ARHGAP15: variants seen among roughly 807,000 people sequenced by gnomAD.
ARHGAP15 encodes rho GTPase-activating protein 15.
A neutral mutation model predicts 63.7 loss-of-function variants in ARHGAP15; 51 were observed. The observed-to-expected ratio is 0.80, with a 90% CI of 0.64 to 1.01. The LOEUF (loss-of-function observed/expected upper bound fraction) is 1.01. ARHGAP15 is among the 50% of genes least tolerant of loss of function. The pLI is 0.00. For synonymous variants in ARHGAP15, 191 were observed against 193.8 expected, an observed-to-expected ratio of 0.99 and a Z score of 0.12; for missense variants, 560 against 564.6, an observed-to-expected ratio of 0.99 and a Z score of 0.08.
intron 12 of ARHGAP15, among the ~76,000 whole-genome samples, chr2:143,665,076 C>A (rs1463963848): frequency 6.6e-6 from 1 of 151,934 alleles, no homozygotes; most frequent in Non-Finnish European, 1.5e-5. Context: ...ATGAGGCCAG[C>A]ATCATTCTGA....
At chr2:143,315,148 AGC>A (rs1418316193) in intron 6 of ARHGAP15, among the ~76,000 whole-genome samples, 2 of 152,180 alleles carry the variant, frequency 1.3e-5, no homozygotes, top group Non-Finnish European at 2.9e-5. Flanking sequence ...TACTTTTCTA[AGC>A]AAGTAGAATT....
At chr2:143,629,608 ACT>A (rs1341584059) in intron 12 of ARHGAP15, among the ~76,000 whole-genome samples, 4 of 152,090 alleles carry the variant, frequency 2.6e-5, no homozygotes, top group African/African-American at 9.7e-5. Context: ...TCTTCTGGTA[ACT>A]CTACAGATCC....
intron 11 of ARHGAP15, among the ~76,000 whole-genome samples, chr2:143,591,689 C>T (rs1236184795): frequency 6.0e-5 from 9 of 149,878 alleles, no homozygotes; most frequent in East Asian, 3.9e-4. Context: ...GGCACGATCT[C>T]GGCTCACGCA....
chr2:143,450,900 A>C (rs1185034584), intron 8 of ARHGAP15, among the ~76,000 whole-genome samples: 1 of 151,934 alleles, frequency 6.6e-6, no homozygotes, highest in Non-Finnish European at 1.5e-5. Flanking sequence ...TTTGAAACCC[A>C]ACAGTTTAAA....
chr2:143,199,688 C>T (rs1390010438), intron 2 of ARHGAP15, among the ~76,000 whole-genome samples: 1 of 152,092 alleles, frequency 6.6e-6, no homozygotes, highest in Non-Finnish European at 1.5e-5. Context: ...CACATGGCCA[C>T]TCCTAACTGC....
At chr2:143,722,961 T>C (rs990463836) in intron 13 of ARHGAP15, among the ~76,000 whole-genome samples, 1 of 152,214 alleles carries the variant, frequency 6.6e-6, no homozygotes, top group Admixed American at 6.5e-5. Flanking sequence ...TGTATTTAAG[T>C]ACAGTCACAC....
intron 1 of ARHGAP15, among the ~76,000 whole-genome samples, chr2:143,142,076 A>G (rs547153996): frequency 1.3e-5 from 2 of 152,190 alleles, no homozygotes; most frequent in South Asian, 4.1e-4. Context: ...ACATATAGAC[A>G]TACTTTTCTG....
At chr2:143,743,548 C>T (rs1400301214) in intron 13 of ARHGAP15, among the ~76,000 whole-genome samples, 2 of 152,122 alleles carry the variant, frequency 1.3e-5, no homozygotes, top group African/African-American at 2.4e-5. Flanking sequence ...TAGTTTCTTG[C>T]GATCTCTGTA....
At chr2:143,271,571 G>A (rs1415323965) in intron 6 of ARHGAP15, among the ~76,000 whole-genome samples, 1 of 152,250 alleles carries the variant, frequency 6.6e-6, no homozygotes, top group Admixed American at 6.5e-5. Flanking sequence ...CGCTTCCCGG[G>A]TTCACACCAT....
At chr2:143,277,458 A>G (rs758763427) in intron 6 of ARHGAP15, among the ~76,000 whole-genome samples, 2 of 151,730 alleles carry the variant, frequency 1.3e-5, no homozygotes, top group African/African-American at 2.4e-5. Flanking sequence ...CTGCCTGGGT[A>G]TTTGGACAGA....
At chr2:143,695,730 T>C (rs1222024965) in intron 12 of ARHGAP15, among the ~76,000 whole-genome samples, 3 of 151,972 alleles carry the variant, frequency 2.0e-5, no homozygotes, top group Non-Finnish European at 1.5e-5. Flanking sequence ...TAGCCAGACA[T>C]GGCAGTGAGT....
intron 6 of ARHGAP15, among the ~76,000 whole-genome samples, chr2:143,353,320 T>C (rs1050922977): frequency 2.0e-5 from 3 of 152,100 alleles, no homozygotes; most frequent in East Asian, 3.9e-4. Context: ...AGATTGACAT[T>C]GAATGTAAGG....
At chr2:143,137,556 A>G (rs1230950840) in intron 1 of ARHGAP15, among the ~76,000 whole-genome samples, 1 of 152,092 alleles carries the variant, frequency 6.6e-6, no homozygotes, top group Non-Finnish European at 1.5e-5. Flanking sequence ...TATCCATTAT[A>G]TGCTTCTGAA....
At chr2:143,451,555 A>C (rs962073586) in intron 8 of ARHGAP15, among the ~76,000 whole-genome samples, 24 of 152,080 alleles carry the variant, frequency 1.6e-4, no homozygotes, top group Admixed American at 3.3e-4. Context: ...AAAAATTAGA[A>C]TTGAAAGGAC....
chr2:143,659,573 C>A (rs1417275384), intron 12 of ARHGAP15, among the ~76,000 whole-genome samples: 1 of 152,124 alleles, frequency 6.6e-6, no homozygotes, highest in East Asian at 1.9e-4. Flanking sequence ...TCTTAGGTAT[C>A]CATTGCTTTC....
intron 12 of ARHGAP15, among the ~76,000 whole-genome samples, chr2:143,672,334 AT>A: frequency 6.6e-6 from 1 of 152,228 alleles, no homozygotes; most frequent in East Asian, 1.9e-4. Flanking sequence ...ACACACATAA[AT>A]GACAGACAAA....
At chr2:143,516,007 C>A (rs1257194427) in intron 9 of ARHGAP15, among the ~76,000 whole-genome samples, 2 of 152,122 alleles carry the variant, frequency 1.3e-5, no homozygotes, top group Non-Finnish European at 2.9e-5. Context: ...TTTTACTTGT[C>A]TTTCCTTATC....
At chr2:143,165,153 A>G (rs1690450101) in intron 2 of ARHGAP15, among the ~76,000 whole-genome samples, 1 of 152,066 alleles carries the variant, frequency 6.6e-6, no homozygotes, top group Non-Finnish European at 1.5e-5. Flanking sequence ...AATGTATTTG[A>G]AAGTGTTGAG....
At position 143,557,803 on chromosome 2, in the gene ARHGAP15, G is replaced by A. The variant is rs1038557847; in HGVS notation, c.1003+1318G>A. ...TGCTCTAAAAGAAGTCTATTAATTC[G>A]AAAAGTAAAAATAAGAAATTAGAAA... On this transcript the variant is annotated intron_variant, in intron 11 of 13. Transcript: ENST00000295095. Among the ~76,000 whole-genome samples, 7 of 151,956 alleles carry A rather than the reference G, an allele frequency of 4.6e-5. 1 individual carries two copies. The highest frequency in any genetic ancestry group is 2.1e-4 in the South Asian group (1 of 4,816).
Sources: allele counts gnomAD v4.1 joint callset (sites outside exome capture counted in the v4.1 genomes callset), GRCh38; gene constraint gnomAD v4.1.1; transcripts MANE v1.5; gene names NCBI Gene and HGNC (gene_info 2026-07-23, HGNC 2026-07-21).